The following RAB33A variants were observed in gnomAD, a reference collection of about 807,000 sequenced individuals.
The protein encoded by RAB33A is ras-related protein Rab-33A.
In RAB33A, 6 loss-of-function variants were observed where a neutral mutation model predicts 12.0. The observed-to-expected ratio is 0.50, with a 90% CI of 0.27 to 0.99. The LOEUF is 0.99. Among genes scored for constraint, RAB33A ranks in the 50% least tolerant of loss-of-function variants. RAB33A has a pLI of 0.11. For missense variants in RAB33A, 109 were observed against 192.0 expected, an observed-to-expected ratio of 0.57 and a Z score of 2.55; for synonymous variants, 70 against 82.4, an observed-to-expected ratio of 0.85 and a Z score of 0.81.
chrX:130,123,818 T>C, the RAB33A span, among the ~76,000 whole-genome samples: 1 of 109,830 alleles, frequency 9.1e-6, no homozygotes, highest in Non-Finnish European at 1.9e-5. Flanking sequence ...GTGTAATCTC[T>C]GGGTGAAAGG....
At chrX:130,150,977 C>CA in the RAB33A span, among the ~76,000 whole-genome samples, 481 of 27,691 alleles carry the variant, frequency 0.017, 25 homozygotes, top group African/African-American at 0.073. Context: ...GACTCTGTCT[C>CA]AAAAAAAAAA....
At chrX:130,115,971 A>C in the RAB33A span, among the ~76,000 whole-genome samples, 7 of 111,532 alleles carry the variant, frequency 6.3e-5, 1 homozygote, top group African/African-American at 2.3e-4. Flanking sequence ...TCTCCAAGTC[A>C]AGGTTGTGTC....
chrX:130,172,416 C>T lies in RAB33A; in HGVS notation c.258+96C>T, dbSNP rs752858263. 1,348 of 1,072,940 alleles carry T rather than the reference C, an allele frequency of 1.3e-3. 1 individual carries two copies. The highest frequency in any genetic ancestry group is 1.6e-3 in the Non-Finnish European group (1,306 of 812,773). 88.4% of individuals were successfully genotyped at this position (1,072,940 alleles called of 1,213,427 possible). ...GGTTGTCGTCGTCCAGCGTCCAGCGCGTGGCGGTTTCGCCTCTTGCTGAGC... is the reference window on the plus strand; with the variant it reads ...GGTTGTCGTCGTCCAGCGTCCAGCGTGTGGCGGTTTCGCCTCTTGCTGAGC... On this transcript the variant is annotated intron_variant, in intron 1 of 1. Transcript: ENST00000257017.
the RAB33A span, among the ~76,000 whole-genome samples, chrX:130,132,742 CTTTTT>C: frequency 5.7e-5 from 4 of 69,885 alleles, no homozygotes; most frequent in Non-Finnish European, 1.0e-4. Flanking sequence ...TCTGACACTC[CTTTTT>C]TTTTTTTTTT....
the RAB33A span, among the ~76,000 whole-genome samples, chrX:130,142,634 A>G: frequency 4.5e-5 from 5 of 110,599 alleles, no homozygotes; most frequent in East Asian, 2.8e-4. Context: ...TAACTTCCCA[A>G]TGGTATCTGT....
the RAB33A span, among the ~76,000 whole-genome samples, chrX:130,120,986 C>T: frequency 1.2e-3 from 133 of 112,942 alleles, no homozygotes; most frequent in African/African-American, 3.6e-3. Flanking sequence ...CACGCGGCCT[C>T]CCTTCGCCGC....
At chrX:130,175,582 G>A (rs1299212287) in intron 1 of RAB33A, among the ~76,000 whole-genome samples, 1 of 102,092 alleles carries the variant, frequency 9.8e-6, no homozygotes, top group Non-Finnish European at 2.0e-5. Flanking sequence ...CTGCAACCTC[G>A]GCCTCCTGGG....
At chrX:130,154,968 G>A in the RAB33A span, among the ~76,000 whole-genome samples, 1 of 112,264 alleles carries the variant, frequency 8.9e-6, no homozygotes, top group Admixed American at 9.5e-5. Flanking sequence ...AGCTATATCT[G>A]GTAGGACTTC....
chrX:130,128,283 T>A, the RAB33A span, among the ~76,000 whole-genome samples: 2 of 111,827 alleles, frequency 1.8e-5, no homozygotes, highest in African/African-American at 6.5e-5. Context: ...TAAGATTTGA[T>A]GTTTTTAGGC....
the RAB33A span, among the ~76,000 whole-genome samples, chrX:130,117,390 G>A: frequency 8.9e-6 from 1 of 111,747 alleles, no homozygotes; most frequent in Non-Finnish European, 1.9e-5. Context: ...CTGGCTGTGA[G>A]TAGGTGCTCA....
chrX:130,136,152 G>A, the RAB33A span: 1 of 1,211,404 alleles, frequency 8.3e-7, no homozygotes, highest in Admixed American at 2.2e-5. Context: ...TTGGGCTCCA[G>A]GCCCACAGCT....
the RAB33A span, chrX:130,138,518 AAC>A: frequency 1.3e-6 from 1 of 745,946 alleles, no homozygotes. Flanking sequence ...GATCCTGCCA[AAC>A]ACATCTCTGG....
chrX:130,161,527 A>C, the RAB33A span, among the ~76,000 whole-genome samples: 4 of 108,572 alleles, frequency 3.7e-5, no homozygotes, highest in Admixed American at 4.0e-4. Flanking sequence ...AAAAAAAAAA[A>C]AAAAACACAG....
At chrX:130,179,252 G>A (rs1013531656) in intron 1 of RAB33A, among the ~76,000 whole-genome samples, 2 of 111,748 alleles carry the variant, frequency 1.8e-5, no homozygotes, top group African/African-American at 6.5e-5. Context: ...GGCCCTCCTG[G>A]CAGTTCCGGC....
the RAB33A span, among the ~76,000 whole-genome samples, chrX:130,131,367 T>C: frequency 8.9e-6 from 1 of 112,585 alleles, no homozygotes; most frequent in Non-Finnish European, 1.9e-5. Flanking sequence ...TCAGGTTTTC[T>C]TGTTTTCTTC....
the RAB33A span, among the ~76,000 whole-genome samples, chrX:130,111,399 C>T: frequency 8.9e-6 from 1 of 112,947 alleles, no homozygotes; most frequent in Non-Finnish European, 1.9e-5. Flanking sequence ...TTGGGCCAAG[C>T]CCTGCGCTCC....
the RAB33A span, among the ~76,000 whole-genome samples, chrX:130,121,569 G>A: frequency 8.9e-6 from 1 of 112,348 alleles, no homozygotes; most frequent in Non-Finnish European, 1.9e-5. Flanking sequence ...GTCCCGACAG[G>A]CGAACTGGAG....
the RAB33A span, chrX:130,156,661 TTTATGA>T: frequency 8.8e-7 from 1 of 1,139,411 alleles, no homozygotes; most frequent in Non-Finnish European, 1.2e-6. Context: ...TTAATACATA[TTTATGA>T]TTAAATGTCA....
intron 1 of RAB33A, among the ~76,000 whole-genome samples, chrX:130,175,061 CA>C (rs1463805389): frequency 1.8e-5 from 2 of 111,707 alleles, no homozygotes; most frequent in African/African-American, 6.5e-5. Flanking sequence ...AGGCACTTTA[CA>C]TGCATTATCT....
Sources: allele counts gnomAD v4.1 joint callset (sites outside exome capture counted in the v4.1 genomes callset), GRCh38; gene constraint gnomAD v4.1.1; transcripts MANE v1.5; gene names NCBI Gene and HGNC (gene_info 2026-07-23, HGNC 2026-07-21).